ADCK1: variants seen among roughly 807,000 people sequenced by gnomAD.
ADCK1 encodes the protein aarF domain containing kinase 1, also known as aarF domain-containing protein kinase 1.
A neutral mutation model predicts 52.3 loss-of-function variants in ADCK1; 41 were observed. The observed-to-expected ratio is 0.78, with a 90% CI of 0.61 to 1.02. ADCK1 has a LOEUF of 1.02. Among genes scored for constraint, ADCK1 ranks in the 50% least tolerant of loss-of-function variants. The pLI is 0.00. For synonymous variants in ADCK1, 250 were observed against 274.6 expected (o/e 0.91, Z 0.89); for missense variants, 658 against 679.5 (o/e 0.97, Z 0.35).
chr14:77,873,289 G>T (rs778887440), intron 4 of ADCK1, among the ~76,000 whole-genome samples: 51 of 152,184 alleles, frequency 3.4e-4, no homozygotes, highest in Non-Finnish European at 5.6e-4. Flanking sequence ...TTATGAATAG[G>T]CCAGCTGGGC....
intron 6 of ADCK1, among the ~76,000 whole-genome samples, chr14:77,904,584 G>A (rs554394266): frequency 6.6e-6 from 1 of 152,370 alleles, no homozygotes; most frequent in Non-Finnish European, 1.5e-5. Context: ...GAAATGTGAG[G>A]TCAGGGCCAG....
chr14:77,865,827 T>C (rs891603191), intron 4 of ADCK1, among the ~76,000 whole-genome samples: 1 of 152,196 alleles, frequency 6.6e-6, no homozygotes, highest in Admixed American at 6.5e-5. Flanking sequence ...TGGGGATGGA[T>C]TGAGTTAATG....
chr14:77,830,556 C>T (rs1329952595), intron 3 of ADCK1, among the ~76,000 whole-genome samples: 1 of 150,970 alleles, frequency 6.6e-6, no homozygotes, highest in Admixed American at 6.6e-5. Context: ...GCCTCCTAAA[C>T]TGCTGGGATT....
At chr14:77,898,011 A>G (rs1055034301) in intron 5 of ADCK1, among the ~76,000 whole-genome samples, 1 of 152,164 alleles carries the variant, frequency 6.6e-6, no homozygotes, top group African/African-American at 2.4e-5. Context: ...ATGGGATAGC[A>G]CTTTGGTAGG....
intron 3 of ADCK1, among the ~76,000 whole-genome samples, chr14:77,856,564 C>G (rs2082420869): frequency 1.8e-5 from 2 of 113,320 alleles, no homozygotes; most frequent in African/African-American, 5.7e-5. Flanking sequence ...GGCCCCTGCT[C>G]TTGGGGCTTT....
At chr14:77,823,147 A>G (rs1381789064) in intron 3 of ADCK1, among the ~76,000 whole-genome samples, 1 of 152,122 alleles carries the variant, frequency 6.6e-6, no homozygotes, top group Non-Finnish European at 1.5e-5. Context: ...ATGTGTTTAG[A>G]TATCCCGGAG....
At chr14:77,894,816 G>A (rs2140228695) in intron 5 of ADCK1, among the ~76,000 whole-genome samples, 1 of 132,080 alleles carries the variant, frequency 7.6e-6, no homozygotes, top group East Asian at 2.4e-4. Context: ...ACAGTGGCAT[G>A]ACCTAGGCTC....
intron 3 of ADCK1, among the ~76,000 whole-genome samples, chr14:77,828,745 A>C (rs2140056547): frequency 6.6e-6 from 1 of 152,054 alleles, no homozygotes; most frequent in South Asian, 2.1e-4. Context: ...TAGGCTGGTC[A>C]CAAACTCCTG....
chr14:77,841,731 T>C (rs1048808305), intron 3 of ADCK1, among the ~76,000 whole-genome samples: 3 of 149,362 alleles, frequency 2.0e-5, no homozygotes, highest in Non-Finnish European at 4.4e-5. Context: ...GTAATCCCAG[T>C]TACCTGGGAG....
intron 7 of ADCK1, among the ~76,000 whole-genome samples, chr14:77,916,715 C>G (rs2083933877): frequency 6.6e-6 from 1 of 152,202 alleles, no homozygotes; most frequent in African/African-American, 2.4e-5. Context: ...CTCACAAAGC[C>G]CCTCTTCTTT....
intron 7 of ADCK1, among the ~76,000 whole-genome samples, chr14:77,919,378 T>C (rs2083997575): frequency 6.6e-6 from 1 of 152,260 alleles, no homozygotes; most frequent in South Asian, 2.1e-4. Flanking sequence ...CTTAGAATAA[T>C]GGTCTCCAAT....
At chr14:77,932,507 CAA>C (rs1011625613) in intron 10 of ADCK1, among the ~76,000 whole-genome samples, 5 of 152,176 alleles carry the variant, frequency 3.3e-5, no homozygotes, top group Non-Finnish European at 5.9e-5. Flanking sequence ...TGTTCTCACT[CAA>C]GAGAGAAAGC....
chr14:77,828,317 G>A (rs541122805), intron 3 of ADCK1, among the ~76,000 whole-genome samples: 4 of 152,212 alleles, frequency 2.6e-5, no homozygotes, highest in Admixed American at 1.3e-4. Context: ...CCCCTGTTCC[G>A]TTTATAAGAA....
chr14:77,931,398 C>T, intron 9 of ADCK1, 120 bp from the exon 10 acceptor site: 1 of 1,023,718 alleles, frequency 9.8e-7, no homozygotes, highest in Non-Finnish European at 1.4e-6. Context: ...ACAGCGGTGC[C>T]TGAAGCTCCC....
chr14:77,850,569 T>G (rs2082261278), intron 3 of ADCK1, among the ~76,000 whole-genome samples: 2 of 152,194 alleles, frequency 1.3e-5, no homozygotes, highest in African/African-American at 4.8e-5. Flanking sequence ...CTGATAATAT[T>G]CTTTTCTCTG....
chr14:77,864,805 G>T (rs2082628890), intron 4 of ADCK1, among the ~76,000 whole-genome samples: 1 of 152,214 alleles, frequency 6.6e-6, no homozygotes, highest in African/African-American at 2.4e-5. Flanking sequence ...CCAGCAGGCT[G>T]GAGACCCAGG....
intron 1 of ADCK1, among the ~76,000 whole-genome samples, chr14:77,818,496 G>T (rs1282978167): frequency 6.6e-6 from 1 of 152,086 alleles, no homozygotes; most frequent in East Asian, 1.9e-4. Context: ...TGCCCAGGCT[G>T]GTCTGGAACT....
chr14:77,930,356 CT>C (rs2084299449), intron 9 of ADCK1, among the ~76,000 whole-genome samples: 1 of 152,202 alleles, frequency 6.6e-6, no homozygotes, highest in Non-Finnish European at 1.5e-5. Context: ...GTGGTAAAGA[CT>C]TTCAGCAGCA....
At chr14:77,836,851 G>A (rs1374364175) in intron 3 of ADCK1, among the ~76,000 whole-genome samples, 1 of 140,156 alleles carries the variant, frequency 7.1e-6, no homozygotes, top group African/African-American at 2.7e-5. Flanking sequence ...TTGGCTCACT[G>A]CAACCTCTGA....
Sources: allele counts gnomAD v4.1 joint callset (sites outside exome capture counted in the v4.1 genomes callset), GRCh38; gene constraint gnomAD v4.1.1; transcripts MANE v1.5; gene names NCBI Gene and HGNC (gene_info 2026-07-23, HGNC 2026-07-21).